Variants in EPC2 observed in about 807,000 individuals in gnomAD.
The protein encoded by EPC2 is enhancer of polycomb 2.
A neutral mutation model predicts 92.1 loss-of-function variants in EPC2; 14 were observed. The observed-to-expected ratio is 0.15, with a 90% CI of 0.10 to 0.24. The LOEUF (loss-of-function observed/expected upper bound fraction) is 0.24. Ranked by LOEUF, EPC2 falls within the 10% of genes least tolerant of loss-of-function variation. The pLI is 1.00. For synonymous variants in EPC2, 340 were observed against 334.7 expected, an observed-to-expected ratio of 1.02 and a Z score of -0.17; for missense variants, 755 against 971.5, an observed-to-expected ratio of 0.78 and a Z score of 2.96.
chr2:148,778,712 G>A (rs1372324601), intron 10 of EPC2, among the ~76,000 whole-genome samples: 1 of 151,990 alleles, frequency 6.6e-6, no homozygotes, highest in Non-Finnish European at 1.5e-5. Flanking sequence ...GATTACTATT[G>A]GCAATTTTTG....
At position 148,786,313 on chromosome 2, in the gene EPC2, A is replaced by G; in HGVS notation, c.2360A>G (p.His787Arg). 6.2e-7 allele frequency: 1 copy of G among 1,611,668 alleles called. No homozygotes were observed. The highest frequency in any genetic ancestry group is 8.5e-7 in the Non-Finnish European group (1 of 1,178,820). ...TTGCCTTATTACCATAGAGAGAACC[A>G]CGAACCAGAAAGATTGGGCTTAAAT... ...SAISSIARENHEPERLGLNGI... is the reference protein window; with the variant it reads ...SAISSIARENREPERLGLNGI... Residue 787 changes from histidine to arginine, a missense_variant, in exon 14 of 14, where the codon CAC becomes CGC. Transcript: ENST00000258484.
intron 1 of EPC2, among the ~76,000 whole-genome samples, chr2:148,669,820 T>G (rs1268412666): frequency 6.6e-6 from 1 of 152,220 alleles, no homozygotes; most frequent in Non-Finnish European, 1.5e-5. Flanking sequence ...CACTACTGAA[T>G]CAGTATTTTT....
At chr2:148,775,000 A>T (rs1167810080) in intron 10 of EPC2, among the ~76,000 whole-genome samples, 1 of 151,506 alleles carries the variant, frequency 6.6e-6, no homozygotes, top group East Asian at 1.9e-4. Context: ...GAGGCAGGAG[A>T]ATGGCGTGAA....
At chr2:148,772,622 T>C (rs892030818) in intron 10 of EPC2, among the ~76,000 whole-genome samples, 6 of 152,212 alleles carry the variant, frequency 3.9e-5, no homozygotes, top group African/African-American at 1.4e-4. Context: ...GAAATTGGCA[T>C]ATCATTTATC....
At chr2:148,766,138 A>C (rs1002948002) in intron 7 of EPC2, among the ~76,000 whole-genome samples, 5 of 152,222 alleles carry the variant, frequency 3.3e-5, no homozygotes, top group African/African-American at 1.2e-4. Context: ...TGGGAAACTT[A>C]ACAGAAAATA....
In EPC2 at chr2:148,754,026, G is replaced by T. The variant is rs1683129105; in HGVS notation, c.559G>T (p.Gly187Trp). 1 of 1,611,338 alleles carries T rather than the reference G, an allele frequency of 6.2e-7. No individual in the cohort carries two copies. Among genetic ancestry groups the T allele is most frequent in the African/African-American group, 1.3e-5 (1 of 74,802 alleles). ...GGTGAGAAAACGTAAAAACTGCAGGGGGCCATCCCTCATTCCTCAGATAAA... is the reference window on the plus strand; with the variant it reads ...GGTGAGAAAACGTAAAAACTGCAGGTGGCCATCCCTCATTCCTCAGATAAA... Reference protein sequence around the residue: ...YWVRKRKNCRGPSLIPQIKQE... With the variant: ...YWVRKRKNCRWPSLIPQIKQE... Residue 187 changes from glycine to tryptophan, a missense_variant, in exon 4 of 14, where the codon GGG (glycine) becomes TGG (tryptophan). Transcript: ENST00000258484.
At chr2:148,726,800 T>G (rs1479991891) in intron 2 of EPC2, among the ~76,000 whole-genome samples, 1 of 150,320 alleles carries the variant, frequency 6.7e-6, no homozygotes, top group Non-Finnish European at 1.5e-5. Flanking sequence ...GTTTTTGAGT[T>G]TTAGGAGTTC....
intron 10 of EPC2, among the ~76,000 whole-genome samples, chr2:148,774,797 A>T (rs1683593908): frequency 6.6e-6 from 1 of 150,520 alleles, no homozygotes; most frequent in Non-Finnish European, 1.5e-5. Context: ...ATTGAAAAAC[A>T]CTTCTCAGGG....
intron 2 of EPC2, among the ~76,000 whole-genome samples, chr2:148,690,733 G>A (rs902434408): frequency 3.3e-5 from 5 of 152,142 alleles, no homozygotes; most frequent in Non-Finnish European, 5.9e-5. Flanking sequence ...CATGATCTTG[G>A]CTCACTGCAA....
At chr2:148,775,178 A>T (rs1046857445) in intron 10 of EPC2, among the ~76,000 whole-genome samples, 1 of 152,138 alleles carries the variant, frequency 6.6e-6, no homozygotes, top group Non-Finnish European at 1.5e-5. Flanking sequence ...TGAACATGAC[A>T]ATTGAGTAAC....
At chr2:148,653,501 A>G (rs1456156618) in intron 1 of EPC2, among the ~76,000 whole-genome samples, 1 of 152,222 alleles carries the variant, frequency 6.6e-6, no homozygotes, top group Non-Finnish European at 1.5e-5. Flanking sequence ...ATCATGCAGA[A>G]CCGCTTCTTA....
intron 4 of EPC2, among the ~76,000 whole-genome samples, chr2:148,757,627 C>T (rs1184010771): frequency 1.3e-5 from 2 of 151,898 alleles, no homozygotes; most frequent in East Asian, 3.9e-4. Flanking sequence ...CACCTGAGGT[C>T]GGGAGTTCAA....
chr2:148,732,381 C>CTTTTT (rs752780229), intron 2 of EPC2, among the ~76,000 whole-genome samples: 1 of 132,962 alleles, frequency 7.5e-6, no homozygotes, highest in Admixed American at 7.9e-5. Flanking sequence ...TTATTTTTGT[C>CTTTTT]TTTTTTTTTT....
intron 2 of EPC2, among the ~76,000 whole-genome samples, chr2:148,737,906 G>A (rs1191416702): frequency 6.6e-5 from 10 of 152,182 alleles, no homozygotes; most frequent in Admixed American, 5.9e-4. Context: ...GGCTGCATGC[G>A]GCCCGTGGGC....
chr2:148,721,222 G>C (rs1334656279), intron 2 of EPC2, among the ~76,000 whole-genome samples: 1 of 152,048 alleles, frequency 6.6e-6, no homozygotes, highest in Non-Finnish European at 1.5e-5. Context: ...AGGTCTACTG[G>C]CAACAAAGTC....
At chr2:148,652,751 A>G (rs565839574) in intron 1 of EPC2, among the ~76,000 whole-genome samples, 8 of 152,320 alleles carry the variant, frequency 5.3e-5, no homozygotes, top group African/African-American at 1.7e-4. Context: ...GATCCTGTCA[A>G]TTTGGCTTAT....
At chr2:148,655,100 C>T (rs960148395) in intron 1 of EPC2, among the ~76,000 whole-genome samples, 1 of 152,166 alleles carries the variant, frequency 6.6e-6, no homozygotes, top group Non-Finnish European at 1.5e-5. Flanking sequence ...TGAGATGTTT[C>T]TCAACTGGGG....
At position 148,644,900 on chromosome 2, in the gene EPC2, G is replaced by A. The variant is rs1683761066; in HGVS notation, c.-118G>A. On this transcript the variant is annotated 5_prime_UTR_variant, in exon 1 of 14. Coordinates refer to ENST00000258484, the MANE Select transcript of EPC2 (RefSeq NM_015630.4). ...TGGCCGGGGGCAGTGAGGAGGAGGA[G>A]GAGCGGGCCGGCCGCGCTGCACTGA... 1 of 868,050 alleles carries A rather than the reference G, an allele frequency of 1.2e-6. No individual in the cohort carries two copies. Among genetic ancestry groups the A allele is most frequent in the Non-Finnish European group, 1.8e-6 (1 of 563,336 alleles). The allele number at this position is 868,050 out of a possible 1,614,324, so 53.8% of individuals were successfully genotyped here.
chr2:148,739,833 C>CTTT (rs144868417), intron 2 of EPC2, among the ~76,000 whole-genome samples: 405 of 81,134 alleles, frequency 5.0e-3, no homozygotes, highest in African/African-American at 5.9e-3. Flanking sequence ...TCTTCTTCTT[C>CTTT]TTTTTTTTTT....
Sources: gnomAD v4.1 joint callset for allele counts (sites outside exome capture counted in the v4.1 genomes callset) on GRCh38, gnomAD v4.1.1 for gene constraint, MANE v1.5 for transcripts, NCBI Gene and HGNC (gene_info 2026-07-23, HGNC 2026-07-21) for gene names.